The following HS6ST3 variants were observed in gnomAD, a reference collection of about 807,000 sequenced individuals.
HS6ST3 encodes heparan-sulfate 6-O-sulfotransferase 3.
A neutral mutation model predicts 36.7 loss-of-function variants in HS6ST3; 12 were observed. That is an observed-to-expected ratio of 0.33 (90% CI 0.21 to 0.53). HS6ST3 has a LOEUF of 0.53. HS6ST3 is among the 20% of genes least tolerant of loss of function. The probability of loss-of-function intolerance (pLI) is 0.95; values close to 1 mark genes in which losing one functional copy is unlikely to be tolerated. For missense variants in HS6ST3, 584 were observed against 640.9 expected (o/e 0.91, Z 0.96); for synonymous variants, 240 against 257.5 (o/e 0.93, Z 0.65).
Position 96,832,770 on chromosome 13 carries a change from G to A in HS6ST3, c.988G>A (p.Glu330Lys), listed in dbSNP as rs762824439. 17 of 1,614,162 alleles carry A rather than the reference G, an allele frequency of 1.1e-5. No homozygotes were observed. Among genetic ancestry groups the A allele is most frequent in the East Asian group, 2.2e-5 (1 of 44,878 alleles). Residue 330 changes from glutamate to lysine, a missense_variant, in exon 2 of 2, where the codon GAG becomes AAG. Physicochemically the swap from Glu to Lys is moderately conservative, Grantham distance 56. This residue lies in a region of HS6ST3 where 360 missense variants were observed against 411.3 expected (regional missense o/e 0.88). Transcript: ENST00000376705. ...CTGCTATAACTTGACTTTCATGAACGAGAGTGAAAGAAACACCATCCTGTT... is the reference window on the plus strand; with the variant it reads ...CTGCTATAACTTGACTTTCATGAACAAGAGTGAAAGAAACACCATCCTGTT... ...VGCYNLTFMN[E>K]SERNTILLQS...
intron 1 of HS6ST3, among the ~76,000 whole-genome samples, chr13:96,179,817 GC>G (rs1317900237): frequency 6.6e-6 from 1 of 151,714 alleles, no homozygotes; most frequent in Non-Finnish European, 1.5e-5. Context: ...TGTATTTCCT[GC>G]TATTTTATTT....
At chr13:96,306,814 T>A (rs2054916193) in intron 1 of HS6ST3, among the ~76,000 whole-genome samples, 2 of 152,150 alleles carry the variant, frequency 1.3e-5, no homozygotes, top group African/African-American at 4.8e-5. Context: ...GAAAATAGAT[T>A]TACCTCCCTA....
At chr13:96,556,559 T>C (rs1352302457) in intron 1 of HS6ST3, among the ~76,000 whole-genome samples, 1 of 152,184 alleles carries the variant, frequency 6.6e-6, no homozygotes, top group South Asian at 2.1e-4. Flanking sequence ...GAACTCATGA[T>C]GTTTACATTT....
intron 1 of HS6ST3, among the ~76,000 whole-genome samples, chr13:96,217,875 G>T (rs912585954): frequency 1.3e-5 from 2 of 152,058 alleles, no homozygotes; most frequent in African/African-American, 4.8e-5. Context: ...TGAATGGGTG[G>T]ATGGATGGAT....
Position 96,442,297 on chromosome 13 carries a change from A to T in HS6ST3, c.707+350728A>T, listed in dbSNP as rs145615394. On this transcript the variant is annotated intron_variant, in intron 1 of 1. Transcript: ENST00000376705. ...CCAAAGTGCTGGGATTCCAAGCATG[A>T]GCCACTGCCCGTGGCTGAAAATATC... Among the ~76,000 whole-genome samples the T allele has an allele frequency of 2.9e-3, 445 of 152,322 alleles. 3 individuals are homozygous for T. The highest frequency in any genetic ancestry group is 0.01 in the African/African-American group (428 of 41,580).
chr13:96,394,480 A>T (rs551812744), intron 1 of HS6ST3, among the ~76,000 whole-genome samples: 1 of 152,276 alleles, frequency 6.6e-6, no homozygotes, highest in African/African-American at 2.4e-5. Flanking sequence ...GACAGGGCAG[A>T]GGCTCTTCAA....
intron 1 of HS6ST3, among the ~76,000 whole-genome samples, chr13:96,810,782 G>A (rs1404832410): frequency 6.6e-6 from 1 of 152,110 alleles, no homozygotes; most frequent in Non-Finnish European, 1.5e-5. Flanking sequence ...GGGGTGAGGG[G>A]ATCTACTTTG....
At chr13:96,762,500 C>T (rs565755340) in intron 1 of HS6ST3, among the ~76,000 whole-genome samples, 36 of 152,036 alleles carry the variant, frequency 2.4e-4, no homozygotes, top group Non-Finnish European at 4.9e-4. Flanking sequence ...ACAAAAAATG[C>T]TCTAAATATT....
intron 1 of HS6ST3, among the ~76,000 whole-genome samples, chr13:96,674,582 G>A (rs745591782): frequency 2.6e-5 from 4 of 152,010 alleles, no homozygotes; most frequent in South Asian, 2.1e-4. Flanking sequence ...CTCTCACATC[G>A]TCCCTCTATT....
At chr13:96,197,596 C>A (rs1466106339) in intron 1 of HS6ST3, among the ~76,000 whole-genome samples, 1 of 152,158 alleles carries the variant, frequency 6.6e-6, no homozygotes, top group Non-Finnish European at 1.5e-5. Context: ...TGAGACAAGG[C>A]AAGTCCCTTC....
intron 1 of HS6ST3, among the ~76,000 whole-genome samples, chr13:96,148,916 A>C (rs1294218347): frequency 6.6e-6 from 1 of 152,234 alleles, no homozygotes; most frequent in Non-Finnish European, 1.5e-5. Context: ...AAGGGACAAA[A>C]TAGTCTTTAT....
chr13:96,289,586 A>G (rs748303528), intron 1 of HS6ST3, among the ~76,000 whole-genome samples: 27 of 152,336 alleles, frequency 1.8e-4, no homozygotes, highest in South Asian at 4.1e-4. Context: ...AGAGTAAAAG[A>G]TCTAAATTAA....
chr13:96,659,546 CT>C (rs749925221), intron 1 of HS6ST3, among the ~76,000 whole-genome samples: 1 of 151,468 alleles, frequency 6.6e-6, no homozygotes, highest in Non-Finnish European at 1.5e-5. Flanking sequence ...CATTTTTTTG[CT>C]GTATTAATGA....
At chr13:96,174,846 G>A (rs967906627) in intron 1 of HS6ST3, among the ~76,000 whole-genome samples, 1 of 152,016 alleles carries the variant, frequency 6.6e-6, no homozygotes, top group Admixed American at 6.6e-5. Context: ...TCTCTCTCTT[G>A]AAAAAGATGT....
chr13:96,411,591 A>G (rs2055507607), intron 1 of HS6ST3, among the ~76,000 whole-genome samples: 1 of 152,196 alleles, frequency 6.6e-6, no homozygotes, highest in Non-Finnish European at 1.5e-5. Flanking sequence ...AGACATGGAA[A>G]CCAAAATAGG....
intron 1 of HS6ST3, among the ~76,000 whole-genome samples, chr13:96,181,912 G>A (rs565198143): frequency 3.3e-5 from 5 of 152,116 alleles, no homozygotes; most frequent in East Asian, 3.9e-4. Context: ...TGATTTTTAC[G>A]CAGTAGTTAG....
chr13:96,224,614 C>T (rs1469548054), intron 1 of HS6ST3, among the ~76,000 whole-genome samples: 1 of 152,240 alleles, frequency 6.6e-6, no homozygotes, highest in Non-Finnish European at 1.5e-5. Context: ...CACAGCCGAT[C>T]TGTATGTCAC....
At chr13:96,162,963 C>T (rs1338029249) in intron 1 of HS6ST3, among the ~76,000 whole-genome samples, 1 of 151,956 alleles carries the variant, frequency 6.6e-6, no homozygotes, top group Non-Finnish European at 1.5e-5. Context: ...ATGATGGCTA[C>T]TAAATGATGC....
At chr13:96,658,256 TCTC>T (rs2056632644) in intron 1 of HS6ST3, among the ~76,000 whole-genome samples, 2 of 145,838 alleles carry the variant, frequency 1.4e-5, no homozygotes, top group East Asian at 4.1e-4. Flanking sequence ...TTCTTCTTCT[TCTC>T]TTCTTCTTCT....
Sources: gnomAD v4.1 joint callset for allele counts (sites outside exome capture counted in the v4.1 genomes callset) on GRCh38, gnomAD v4.1.1 for gene constraint, gnomAD v4.1.1 regional missense constraint, MANE v1.5 for transcripts, NCBI Gene and HGNC (gene_info 2026-07-23, HGNC 2026-07-21) for gene names.